The following APOL2 variants were observed in gnomAD, a reference collection of about 807,000 sequenced individuals.
The protein encoded by APOL2 is apolipoprotein L2.
A neutral mutation model predicts 7.1 loss-of-function variants in APOL2; 8 were observed. That is an observed-to-expected ratio of 1.12 (90% CI 0.66 to 2.03). APOL2 has a LOEUF of 2.03. Ranked by LOEUF, APOL2 falls within the 30% of genes most tolerant of loss-of-function variation. The pLI, the probability that APOL2 is intolerant of heterozygous loss-of-function variation, is 0.00. For missense variants in APOL2, 471 were observed against 415.1 expected (o/e 1.13, Z -1.17); for synonymous variants, 177 against 159.9 (o/e 1.11, Z -0.81).
rs766254565 is a variant in APOL2, at chr22:36,227,481, G to A, written c.937C>T (p.Arg313Trp). Residue 313 changes from arginine to tryptophan, a missense_variant, in exon 5 of 5, where the codon CGG becomes TGG. Coordinates refer to ENST00000358502, the MANE Select transcript of APOL2 (RefSeq NM_030882.4). ...AGCTTCCCCTCCAGCTCCTGAGCCC[G>A]CTTCTTCAGCTCCTCAGCTGACTCT... ...KSESAEELKK[R>W]AQELEGKLNF... is the part of the protein sequence containing the mutation. 9.9e-6 allele frequency: 16 copies of A among 1,614,002 alleles called. No homozygotes were observed. Among genetic ancestry groups the A allele is most frequent in the South Asian group, 5.5e-5 (5 of 91,090 alleles).
rs2014985296 is a variant in APOL2 at position 36,226,371 on chromosome 22, T to G, written c.*1033A>C. 6.6e-6 allele frequency: 1 copy of G among 152,302 alleles called. No individual in the cohort carries two copies. Among genetic ancestry groups the G allele is most frequent in the Admixed American group, 6.5e-5 (1 of 15,284 alleles). The allele number at this position is 152,302 out of a possible 1,614,324, so 9.4% of individuals were successfully genotyped here. A position where few individuals can be genotyped will look rare whatever the true frequency, so the allele number is the denominator to read the frequency against. On this transcript the variant is annotated 3_prime_UTR_variant, in exon 5 of 5. Coordinates refer to ENST00000358502, the MANE Select transcript of APOL2 (RefSeq NM_030882.4). ...AGAGCGATGGGACTGTTTTCATTGG[T>G]TGGTTCTCAGATACTCTCTGGGAAG...
In APOL2 at chr22:36,227,855, C is replaced by A; in HGVS notation, c.563G>T (p.Gly188Val). The A allele has an allele frequency of 6.2e-7, 1 of 1,614,196 alleles. No homozygotes were observed. Among genetic ancestry groups the A allele is most frequent in the Non-Finnish European group, 8.5e-7 (1 of 1,180,040 alleles). Residue 188 changes from glycine to valine, a missense_variant, in exon 5 of 5, where the codon GGC (glycine) becomes GTC (valine). Gly to Val is a moderately radical substitution (Grantham distance 109, BLOSUM62 -3). Coordinates refer to ENST00000358502, the MANE Select transcript of APOL2 (RefSeq NM_030882.4). ...CTTCATCACCTTTGCTACATTGGTGCCGCTTTGGTCCAAGTTGCGGGCTTG... is the reference window on the plus strand; with the variant it reads ...CTTCATCACCTTTGCTACATTGGTGACGCTTTGGTCCAAGTTGCGGGCTTG... Reference protein sequence around the residue: ...RAQARNLDQSGTNVAKVMKEF... With the variant: ...RAQARNLDQSVTNVAKVMKEF...
Position 36,233,426 on chromosome 22 carries a change from A to T in APOL2, c.-104T>A. The T allele has an allele frequency of 6.4e-7, 1 of 1,551,030 alleles. No homozygotes were observed. The highest frequency in any genetic ancestry group is 8.7e-7 in the Non-Finnish European group (1 of 1,147,800). On this transcript the variant is annotated 5_prime_UTR_variant, in exon 2 of 5. Transcript: ENST00000358502. ...CCTCGTTCCAGCTTCCTCTTCCCTC[A>T]CTCTCACACCAAGGCAGGGTCCTCT...
Position 36,231,415 on chromosome 22 carries a change from C to G in APOL2, c.62G>C (p.Ser21Thr), listed in dbSNP as rs941905866. 2 of 1,614,062 alleles carry G rather than the reference C, an allele frequency of 1.2e-6. No homozygotes were observed. The highest frequency in any genetic ancestry group is 1.7e-6 in the Non-Finnish European group (2 of 1,179,986). The change falls in exon 4 of 5, where the codon AGC becomes ACC. Residue 21 changes from serine (S) to threonine (T), a missense_variant. Coordinates refer to ENST00000358502, the MANE Select transcript of APOL2 (RefSeq NM_030882.4). ...DYLKYFQDQV[S>T]RENLLQLLTD... ...CAGCAGTTGTAGCAGATTCTCTCTG[C>G]TCACTTGGTCCTGGAAATACTTAAG...
At chr22:36,239,253 A>G (rs2015518925) in intron 1 of APOL2, 188 bp downstream of exon 1, 1 of 1,367,768 alleles carries the variant, frequency 7.3e-7, no homozygotes, top group Admixed American at 3.0e-5. Context: ...TTACCCGCCC[A>G]GCAGGAGGGA....
At chr22:36,234,077 G>A (rs1321439741) in intron 1 of APOL2, among the ~76,000 whole-genome samples, 1 of 152,136 alleles carries the variant, frequency 6.6e-6, no homozygotes, top group Admixed American at 6.5e-5. Flanking sequence ...TCCCCTAGCT[G>A]ATGGACCTTA....
rs2015289950 is a variant in APOL2 at position 36,233,229 on chromosome 22, G to A, written c.-67C>T. On this transcript the variant is annotated 5_prime_UTR_variant, in exon 3 of 5. Coordinates refer to ENST00000358502, the MANE Select transcript of APOL2 (RefSeq NM_030882.4). The stretch of plus-strand genomic sequence containing the variant: ...CTCCAGTCACTGTCCAGACTGGAAG[G>A]TTTTCCTTAACCCTTGAGAACGAGA... 6.2e-7 allele frequency: 1 copy of A among 1,614,076 alleles called. No individual in the cohort carries two copies. The highest frequency in any genetic ancestry group is 1.1e-5 in the South Asian group (1 of 91,086).
At chr22:36,234,556 C>T (rs1350587056) in intron 1 of APOL2, among the ~76,000 whole-genome samples, 2 of 152,184 alleles carry the variant, frequency 1.3e-5, no homozygotes, top group African/African-American at 4.8e-5. Flanking sequence ...TTATCTTACC[C>T]TGGGAGGTGA....
At chr22:36,230,415 T>G (rs2015178351) in intron 4 of APOL2, among the ~76,000 whole-genome samples, 1 of 152,068 alleles carries the variant, frequency 6.6e-6, no homozygotes, top group Non-Finnish European at 1.5e-5. Flanking sequence ...GGAAGAAATA[T>G]CCCTCTCCCA....
upstream of APOL2, chr22:36,239,820 T>C: frequency 2.5e-6 from 1 of 395,284 alleles, no homozygotes. Context: ...GGGGAGTTTT[T>C]TGAACCCATC....
At chr22:36,232,252 T>G (rs1027388255) in intron 3 of APOL2, among the ~76,000 whole-genome samples, 2 of 152,388 alleles carry the variant, frequency 1.3e-5, no homozygotes, top group Middle Eastern at 3.4e-3. Flanking sequence ...GAATTCCTTC[T>G]TATTCAAATA....
intron 1 of APOL2, chr22:36,239,152 G>A: frequency 8.2e-7 from 1 of 1,220,880 alleles, no homozygotes; most frequent in South Asian, 2.7e-5. Flanking sequence ...TCTGGGGTCA[G>A]CTGGCCGTGT....
chr22:36,227,885 C>A lies in APOL2; in HGVS notation c.533G>T (p.Arg178Leu). ...TTGGTCCAAGTTGCGGGCTTGGGCTCGTGCCCGCAATTTGTTTACTAGTTC... is the reference window on the plus strand; with the variant it reads ...TTGGTCCAAGTTGCGGGCTTGGGCTAGTGCCCGCAATTTGTTTACTAGTTC... The part of the protein sequence containing the change: ...VVELVNKLRA[R>L]AQARNLDQSG... The change falls in exon 5 of 5, where the codon CGA (arginine) becomes CTA (leucine). Residue 178 changes from arginine (R) to leucine (L), a missense_variant. Arg to Leu is a moderately radical substitution (Grantham distance 102, BLOSUM62 -2). Transcript: ENST00000358502. 6.2e-7 allele frequency: 1 copy of A among 1,614,200 alleles called. No homozygotes were observed. Among genetic ancestry groups the A allele is most frequent in the Non-Finnish European group, 8.5e-7 (1 of 1,180,044 alleles).
chr22:36,228,244 C>T lies in APOL2; in HGVS notation c.174G>A (p.Lys58=). The T allele has an allele frequency of 1.9e-6, 3 of 1,614,136 alleles. No homozygotes were observed. Among genetic ancestry groups the T allele is most frequent in the Non-Finnish European group, 2.5e-6 (3 of 1,179,998 alleles). The change falls in exon 5 of 5, where the codon AAG becomes AAA. Residue 58 remains lysine (K), a synonymous_variant. Coordinates refer to ENST00000358502, the MANE Select transcript of APOL2 (RefSeq NM_030882.4). Reference sequence around the variant, plus strand: ...CCTTCATGACCATGTGACTTGCAAGCTTGTTCAGAGCTTTACGGAGCTCAT... The same window carrying T: ...CCTTCATGACCATGTGACTTGCAAGTTTGTTCAGAGCTTTACGGAGCTCAT... The part of the protein sequence containing the change: ...EADELRKALN[K]LASHMVMKDK...
chr22:36,236,933 T>C (rs918187739), intron 1 of APOL2: 4 of 1,314,514 alleles, frequency 3.0e-6, no homozygotes, highest in Non-Finnish European at 3.9e-6. Context: ...CCCTTCTTCC[T>C]GCTTTGTTCA....
In APOL2 at chr22:36,227,595, C is replaced by A; in HGVS notation, c.823G>T (p.Val275Leu). ...AAGATGCCTCCAGTGGCTGCACCCACGATCATGGTTCCTCTGCTCATTGCC... is the reference window on the plus strand; with the variant it reads ...AAGATGCCTCCAGTGGCTGCACCCAAGATCATGGTTCCTCTGCTCATTGCC... Reference protein sequence around the residue: ...AQAMSRGTMIVGAATGGILLL... With the variant: ...AQAMSRGTMILGAATGGILLL... The change falls in exon 5 of 5, where the codon GTG (valine) becomes TTG (leucine). Residue 275 changes from valine to leucine, a missense_variant. Physicochemically the swap from Val to Leu is conservative, Grantham distance 32 (BLOSUM62 1). Coordinates refer to ENST00000358502, the MANE Select transcript of APOL2 (RefSeq NM_030882.4). 1.2e-6 allele frequency: 2 copies of A among 1,614,274 alleles called. No individual in the cohort carries two copies. Among genetic ancestry groups the A allele is most frequent in the Non-Finnish European group, 1.7e-6 (2 of 1,180,044 alleles).
intron 1 of APOL2, chr22:36,237,008 G>A: frequency 1.4e-6 from 2 of 1,406,864 alleles, no homozygotes; most frequent in East Asian, 2.9e-5. Flanking sequence ...AGAACCAGGA[G>A]GACCAGGAGG....
chr22:36,239,783 C>G, upstream of APOL2: 1 of 460,234 alleles, frequency 2.2e-6, no homozygotes. Context: ...GCCCATGTCT[C>G]AGGCAGTCAG....
At position 36,227,770 on chromosome 22, in the gene APOL2, G is replaced by T; in HGVS notation, c.648C>A (p.Val216=). The T allele has an allele frequency of 6.2e-7, 1 of 1,614,226 alleles. No homozygotes were observed. Among genetic ancestry groups the T allele is most frequent in the Non-Finnish European group, 8.5e-7 (1 of 1,180,042 alleles). Residue 216 remains valine (V), a synonymous_variant, in exon 5 of 5, where the codon GTC becomes GTA. Transcript: ENST00000358502. ...GGATGTTCCTCCCAATCCCTTGTGT[G>T]ACTTGGTACCAATTGTCAACTAAGG... ...VLTLVDNWYQ[V]TQGIGRNIRA...
Sources: gnomAD v4.1 joint callset for allele counts (sites outside exome capture counted in the v4.1 genomes callset) on GRCh38, gnomAD v4.1.1 for gene constraint, MANE v1.5 for transcripts, NCBI Gene and HGNC (gene_info 2026-07-23, HGNC 2026-07-21) for gene names.